Variants in SUGCT observed in about 807,000 individuals in gnomAD.
SUGCT encodes succinyl-CoA:glutarate CoA-transferase.
In SUGCT, 41 loss-of-function variants were observed where a neutral mutation model predicts 55.0. The observed-to-expected ratio is 0.74, with a 90% CI of 0.58 to 0.97. SUGCT has a LOEUF of 0.97. Among genes scored for constraint, SUGCT ranks in the 50% least tolerant of loss-of-function variants. The pLI is 0.00. For missense variants in SUGCT, 568 were observed against 547.8 expected (o/e 1.04, Z -0.37); for synonymous variants, 187 against 200.4 (o/e 0.93, Z 0.56).
chr7:40,214,923 A>AG (rs991511293), intron 6 of SUGCT, among the ~76,000 whole-genome samples: 44 of 152,142 alleles, frequency 2.9e-4, no homozygotes, highest in Non-Finnish European at 5.9e-4. Context: ...CAAAAAAAAA[A>AG]AAAGAAAGAA....
intron 9 of SUGCT, among the ~76,000 whole-genome samples, chr7:40,360,826 A>G (rs887419607): frequency 6.6e-6 from 1 of 152,142 alleles, no homozygotes; most frequent in African/African-American, 2.4e-5. Flanking sequence ...ACTCAAAGAC[A>G]TTTGTGTTTA....
intron 12 of SUGCT, among the ~76,000 whole-genome samples, chr7:40,524,782 A>G (rs1793718845): frequency 6.6e-6 from 1 of 152,132 alleles, no homozygotes; most frequent in Non-Finnish European, 1.5e-5. Flanking sequence ...TCAATTGAGA[A>G]GCTTTGGTAG....
chr7:40,369,396 A>G (rs1265235252), intron 9 of SUGCT, among the ~76,000 whole-genome samples: 1 of 152,138 alleles, frequency 6.6e-6, no homozygotes, highest in African/African-American at 2.4e-5. Flanking sequence ...AGTTATGTCT[A>G]CCATTTTTTT....
At chr7:40,731,434 G>T (rs969454878) in intron 12 of SUGCT, among the ~76,000 whole-genome samples, 7 of 152,020 alleles carry the variant, frequency 4.6e-5, no homozygotes, top group Non-Finnish European at 1.0e-4. Flanking sequence ...TCCTTATTTA[G>T]GTTTTGGAAT....
intron 6 of SUGCT, among the ~76,000 whole-genome samples, chr7:40,220,227 C>T (rs1192886316): frequency 2.6e-5 from 4 of 152,094 alleles, no homozygotes; most frequent in East Asian, 1.9e-4. Context: ...TGTTGAGAGG[C>T]GTACTGGTAT....
chr7:40,276,578 A>G (rs898421758), intron 8 of SUGCT, among the ~76,000 whole-genome samples: 5 of 152,114 alleles, frequency 3.3e-5, no homozygotes, highest in African/African-American at 1.2e-4. Context: ...GCTTTACTCT[A>G]ATGTATAAAG....
rs544239525 is a variant in SUGCT, at chr7:40,718,567, T to G, written c.1090-30867T>G. Among the ~76,000 whole-genome samples, 61 of 152,346 alleles carry G rather than the reference T, an allele frequency of 4.0e-4. 1 individual carries two copies. The highest frequency in any genetic ancestry group is 3.4e-3 in the Middle Eastern group (1 of 294). On this transcript the variant is annotated intron_variant, in intron 12 of 13. Coordinates refer to ENST00000335693, the MANE Select transcript of SUGCT (RefSeq NM_001193313.2). ...TTGTCAAACATTTATACATTTTTTT[T>G]GTCTGATAAATGAACTGCTAGGCTT...
At chr7:40,431,547 A>ATAT (rs1787897029) in intron 9 of SUGCT, among the ~76,000 whole-genome samples, 2 of 152,198 alleles carry the variant, frequency 1.3e-5, no homozygotes. Flanking sequence ...CATTTTAAGA[A>ATAT]TATTAATTCT....
At chr7:40,377,846 T>G (rs1050895543) in intron 9 of SUGCT, among the ~76,000 whole-genome samples, 2 of 152,212 alleles carry the variant, frequency 1.3e-5, no homozygotes, top group African/African-American at 2.4e-5. Flanking sequence ...GTTTTGTCAA[T>G]GTAGAATTCT....
chr7:40,387,014 A>G (rs1391858696), intron 9 of SUGCT, among the ~76,000 whole-genome samples: 1 of 152,176 alleles, frequency 6.6e-6, no homozygotes, highest in Non-Finnish European at 1.5e-5. Context: ...GCTTTTGGAA[A>G]ACAATAGCCA....
chr7:40,874,882 T>G, the SUGCT span, among the ~76,000 whole-genome samples: 2 of 152,210 alleles, frequency 1.3e-5, no homozygotes, highest in Non-Finnish European at 2.9e-5. Context: ...TGGGAGAAAT[T>G]GAAGCTAAGT....
At chr7:40,309,902 A>G (rs1262579560) in intron 8 of SUGCT, among the ~76,000 whole-genome samples, 2 of 152,078 alleles carry the variant, frequency 1.3e-5, no homozygotes, top group Non-Finnish European at 2.9e-5. Context: ...TAAAAAAAAA[A>G]AAAAACACAT....
chr7:40,984,579 A>T, the SUGCT span, among the ~76,000 whole-genome samples: 1 of 152,116 alleles, frequency 6.6e-6, no homozygotes, highest in Non-Finnish European at 1.5e-5. Flanking sequence ...CTTGTTTCTT[A>T]GCTATTACAT....
At chr7:40,145,199 A>G (rs1199831596) in intron 1 of SUGCT, among the ~76,000 whole-genome samples, 1 of 152,204 alleles carries the variant, frequency 6.6e-6, no homozygotes, top group African/African-American at 2.4e-5. Flanking sequence ...TGTAGGTAAA[A>G]ATCTACATTC....
intron 12 of SUGCT, among the ~76,000 whole-genome samples, chr7:40,690,694 G>A (rs1370010254): frequency 1.3e-5 from 2 of 151,740 alleles, no homozygotes; most frequent in East Asian, 1.9e-4. Flanking sequence ...TCAGCCTCCC[G>A]AGTAGCTGGG....
At chr7:40,898,516 G>A in the SUGCT span, among the ~76,000 whole-genome samples, 2 of 138,296 alleles carry the variant, frequency 1.4e-5, no homozygotes, top group African/African-American at 5.1e-5. Flanking sequence ...GAGGTCAGGA[G>A]ATCGAGACCA....
At chr7:40,758,933 T>G (rs1489092279) in intron 13 of SUGCT, among the ~76,000 whole-genome samples, 1 of 152,120 alleles carries the variant, frequency 6.6e-6, no homozygotes, top group African/African-American at 2.4e-5. Flanking sequence ...AATCCTGGGT[T>G]ATTTCAAGAA....
chr7:40,157,842 T>G (rs1435133359), intron 1 of SUGCT, among the ~76,000 whole-genome samples: 2 of 152,160 alleles, frequency 1.3e-5, no homozygotes, highest in Non-Finnish European at 2.9e-5. Flanking sequence ...ATGATCTCAT[T>G]GATAAAGGGA....
At chr7:40,196,879 G>T (rs1458106622) in intron 6 of SUGCT, among the ~76,000 whole-genome samples, 1 of 152,140 alleles carries the variant, frequency 6.6e-6, no homozygotes, top group South Asian at 2.1e-4. Context: ...CTGTTCCTCA[G>T]GTTGGAGTGC....
Sources: gnomAD v4.1 joint callset for allele counts (sites outside exome capture counted in the v4.1 genomes callset) on GRCh38, gnomAD v4.1.1 for gene constraint, MANE v1.5 for transcripts, NCBI Gene and HGNC (gene_info 2026-07-23, HGNC 2026-07-21) for gene names.